TENM3: variants seen among roughly 807,000 people sequenced by gnomAD.
TENM3 encodes teneurin transmembrane protein 3.
Under a neutral mutation model 255.1 loss-of-function variants are expected in TENM3, and 63 were observed. The observed-to-expected ratio is 0.25, with a 90% CI of 0.20 to 0.30. TENM3 has a LOEUF of 0.30. Among genes scored for constraint, TENM3 ranks in the 10% least tolerant of loss-of-function variants. The pLI, the probability that TENM3 is intolerant of heterozygous loss-of-function variation, is 1.00. For synonymous variants in TENM3, 1,306 were observed against 1,322.3 expected (o/e 0.99, Z 0.27); for missense variants, 2,929 against 3,461.1 (o/e 0.85, Z 3.86).
At chr4:181,747,514 T>C in the TENM3 span, among the ~76,000 whole-genome samples, 1 of 152,038 alleles carries the variant, frequency 6.6e-6, no homozygotes, top group Non-Finnish European at 1.5e-5. Context: ...GTCAAGAATG[T>C]AGTTTTCCTA....
chr4:181,493,620 G>T, the TENM3 span, among the ~76,000 whole-genome samples: 1 of 151,986 alleles, frequency 6.6e-6, no homozygotes, highest in Non-Finnish European at 1.5e-5. Flanking sequence ...GGTGGTGCAT[G>T]CCTGTAACCT....
intron 1 of TENM3, among the ~76,000 whole-genome samples, chr4:182,163,345 G>A (rs769727695): frequency 5.3e-5 from 8 of 152,138 alleles, no homozygotes; most frequent in African/African-American, 1.4e-4. Context: ...CATGGAAGCC[G>A]AGATCCATAC....
chr4:182,094,395 G>A, the TENM3 span, among the ~76,000 whole-genome samples: 3 of 151,912 alleles, frequency 2.0e-5, no homozygotes, highest in African/African-American at 7.3e-5. Context: ...ATAAGCACAC[G>A]CCACCATGCC....
At chr4:182,409,495 A>G (rs1327838632) in intron 3 of TENM3, among the ~76,000 whole-genome samples, 6 of 152,170 alleles carry the variant, frequency 3.9e-5, no homozygotes, top group Non-Finnish European at 7.4e-5. Context: ...GCCCAGATCC[A>G]GGATTGGGCT....
intron 12 of TENM3, among the ~76,000 whole-genome samples, chr4:182,690,071 T>G (rs1265817312): frequency 6.6e-6 from 1 of 152,140 alleles, no homozygotes; most frequent in African/African-American, 2.4e-5. Context: ...GTGGACAAAA[T>G]AACCTTATCA....
chr4:182,753,425 T>C lies in TENM3; in HGVS notation c.3863-25T>C, dbSNP rs747421519. 7 of 1,599,068 alleles carry C rather than the reference T, an allele frequency of 4.4e-6. No homozygotes were observed. In the South Asian group the frequency reaches 4.5e-5, roughly 10 times the overall value. The stretch of plus-strand genomic sequence containing the variant: ...AAAGTAACCATTTTTGAAAAATTAG[T>C]AATACTTGCTTCTCTCAAATACAGG... On this transcript the variant is annotated intron_variant, in intron 20 of 27. Coordinates refer to ENST00000511685, the MANE Select transcript of TENM3 (RefSeq NM_001080477.4).
intron 3 of TENM3, among the ~76,000 whole-genome samples, chr4:182,367,291 T>A (rs1766494029): frequency 1.3e-5 from 2 of 152,088 alleles, no homozygotes; most frequent in Admixed American, 6.5e-5. Context: ...TCTGGAGAGA[T>A]CCTCTTGGGA....
the TENM3 span, among the ~76,000 whole-genome samples, chr4:181,868,386 C>A: frequency 1.3e-5 from 2 of 152,004 alleles, no homozygotes; most frequent in African/African-American, 4.8e-5. Flanking sequence ...TTAAAAAAGA[C>A]GAAATTGAGA....
chr4:182,767,967 C>A (rs957131097), intron 22 of TENM3, among the ~76,000 whole-genome samples: 1 of 152,138 alleles, frequency 6.6e-6, no homozygotes, highest in Non-Finnish European at 1.5e-5. Flanking sequence ...CTCCGGCTTC[C>A]CTAGGTGAAA....
the TENM3 span, among the ~76,000 whole-genome samples, chr4:181,591,078 C>T: frequency 1.4e-3 from 210 of 152,324 alleles, 3 homozygotes; most frequent in Non-Finnish European, 1.7e-3. Context: ...GGTTAATCTG[C>T]ATTGACAAAC....
chr4:182,623,088 G>A (rs1750452893), intron 4 of TENM3, among the ~76,000 whole-genome samples: 1 of 149,178 alleles, frequency 6.7e-6, no homozygotes, highest in South Asian at 2.2e-4. Context: ...TCTGCTCACT[G>A]CAAGCTCTGC....
the TENM3 span, among the ~76,000 whole-genome samples, chr4:181,873,045 T>C: frequency 6.6e-6 from 1 of 152,180 alleles, no homozygotes; most frequent in African/African-American, 2.4e-5. Context: ...ATTATTAGCT[T>C]TAAGTCTTAC....
At chr4:181,451,880 G>T in the TENM3 span, among the ~76,000 whole-genome samples, 1 of 152,132 alleles carries the variant, frequency 6.6e-6, no homozygotes, top group Non-Finnish European at 1.5e-5. Context: ...CCAGAATAGT[G>T]AATGAGATTG....
chr4:181,619,174 G>A, the TENM3 span, among the ~76,000 whole-genome samples: 2 of 152,200 alleles, frequency 1.3e-5, no homozygotes, highest in African/African-American at 4.8e-5. Flanking sequence ...CTTCCTCGGA[G>A]TGGCCGTCTG....
At chr4:182,070,569 A>G in the TENM3 span, among the ~76,000 whole-genome samples, 1 of 152,170 alleles carries the variant, frequency 6.6e-6, no homozygotes, top group Non-Finnish European at 1.5e-5. Context: ...GTGAGCTGAA[A>G]TTGCGCCGCT....
At chr4:181,605,294 G>GA in the TENM3 span, among the ~76,000 whole-genome samples, 29 of 150,736 alleles carry the variant, frequency 1.9e-4, no homozygotes, top group Middle Eastern at 3.4e-3. Context: ...AAAGAAAAAA[G>GA]AAAAAAAAGA....
At chr4:181,452,866 A>G in the TENM3 span, among the ~76,000 whole-genome samples, 1 of 152,200 alleles carries the variant, frequency 6.6e-6, no homozygotes, top group African/African-American at 2.4e-5. Context: ...AGGATTTCGA[A>G]GTATTTGTAT....
At chr4:182,344,822 TAGC>T (rs1344414818) in intron 2 of TENM3, among the ~76,000 whole-genome samples, 1 of 152,198 alleles carries the variant, frequency 6.6e-6, no homozygotes, top group Non-Finnish European at 1.5e-5. Flanking sequence ...GACATATAAA[TAGC>T]AGTGGGTAAG....
At chr4:181,665,410 T>C in the TENM3 span, among the ~76,000 whole-genome samples, 1 of 152,162 alleles carries the variant, frequency 6.6e-6, no homozygotes, top group Admixed American at 6.5e-5. Context: ...GTGCCATCCT[T>C]CCAAAATGCT....
Sources: gnomAD v4.1 joint callset for allele counts (sites outside exome capture counted in the v4.1 genomes callset) on GRCh38, gnomAD v4.1.1 for gene constraint, MANE v1.5 for transcripts, NCBI Gene and HGNC (gene_info 2026-07-23, HGNC 2026-07-21) for gene names.